The following TRAPPC3L variants were observed in gnomAD, a reference collection of about 807,000 sequenced individuals.
TRAPPC3L encodes the protein trafficking protein particle complex subunit 3-like protein.
A neutral mutation model predicts 23.7 loss-of-function variants in TRAPPC3L; 23 were observed. The ratio of observed to expected loss-of-function variants is 0.97; its 90% CI spans 0.70 to 1.37. The LOEUF (loss-of-function observed/expected upper bound fraction) is 1.37. Ranked by LOEUF, TRAPPC3L falls within the 40% of genes most tolerant of loss-of-function variation. TRAPPC3L has a pLI of 0.00. For synonymous variants in TRAPPC3L, 81 were observed against 77.9 expected, an observed-to-expected ratio of 1.04 and a Z score of -0.21; for missense variants, 212 against 216.8, an observed-to-expected ratio of 0.98 and a Z score of 0.14.
At chr6:116,515,682 G>C (rs1247502423) in intron 3 of TRAPPC3L, 3 of 1,613,816 alleles carry the variant, frequency 1.9e-6, no homozygotes, top group African/African-American at 1.3e-5. Flanking sequence ...TCTAAAGTTA[G>C]CTACCTTCAG....
chr6:116,500,235 A>G (rs1302059415), intron 4 of TRAPPC3L, among the ~76,000 whole-genome samples: 8 of 152,252 alleles, frequency 5.3e-5, no homozygotes, highest in Non-Finnish European at 1.2e-4. Context: ...CTGCATGTGT[A>G]TTAAGCCATG....
At chr6:116,510,203 C>T (rs1772086062) in intron 3 of TRAPPC3L, among the ~76,000 whole-genome samples, 1 of 152,046 alleles carries the variant, frequency 6.6e-6, no homozygotes, top group South Asian at 2.1e-4. Flanking sequence ...TTTGTGAAAA[C>T]AGAATGCTTG....
chr6:116,513,217 A>G (rs752856453), intron 3 of TRAPPC3L, among the ~76,000 whole-genome samples: 13 of 152,226 alleles, frequency 8.5e-5, no homozygotes, highest in Admixed American at 2.0e-4. Flanking sequence ...ACAACAAATC[A>G]AGGCAAAATC....
At chr6:116,505,268 A>T (rs1261256485) in intron 3 of TRAPPC3L, among the ~76,000 whole-genome samples, 1 of 152,228 alleles carries the variant, frequency 6.6e-6, no homozygotes, top group Non-Finnish European at 1.5e-5. Context: ...CCCATTCACA[A>T]ATCCTACAAA....
chr6:116,512,822 T>C (rs984933745), intron 3 of TRAPPC3L, among the ~76,000 whole-genome samples: 1 of 152,204 alleles, frequency 6.6e-6, no homozygotes, highest in Non-Finnish European at 1.5e-5. Flanking sequence ...AGTTTTTAAA[T>C]AGCCTTCTGT....
At chr6:116,529,521 C>G (rs777164712) in intron 3 of TRAPPC3L, among the ~76,000 whole-genome samples, 2 of 152,120 alleles carry the variant, frequency 1.3e-5, no homozygotes, top group African/African-American at 4.8e-5. Context: ...CTGTGCTGCT[C>G]GAGGTAAAGT....
chr6:116,520,541 G>C (rs1001719054), intron 3 of TRAPPC3L: 2 of 152,178 alleles, frequency 1.3e-5, no homozygotes, highest in Non-Finnish European at 2.9e-5. Context: ...AGTAGCTCTC[G>C]ATGTTGGCTG....
chr6:116,509,865 A>G (rs1356078753), intron 3 of TRAPPC3L, among the ~76,000 whole-genome samples: 1 of 152,222 alleles, frequency 6.6e-6, no homozygotes, highest in African/African-American at 2.4e-5. Context: ...ACAGCAAAAG[A>G]AATAAACATC....
chr6:116,511,541 T>G, intron 3 of TRAPPC3L: 2 of 675,102 alleles, frequency 3.0e-6, no homozygotes, highest in Non-Finnish European at 5.0e-6. Context: ...TTGAGAAATA[T>G]TCATTCCTAA....
intron 3 of TRAPPC3L, among the ~76,000 whole-genome samples, chr6:116,526,513 A>T (rs965923306): frequency 6.6e-6 from 1 of 152,184 alleles, no homozygotes; most frequent in African/African-American, 2.4e-5. Context: ...ACCACAATTT[A>T]TTGGGTCAAA....
In TRAPPC3L at chr6:116,515,803, C is replaced by T. The variant is rs776303268; in HGVS notation, c.241-15137G>A. The T allele has an allele frequency of 6.2e-6, 10 of 1,613,754 alleles. No homozygotes were observed. The African/African-American group carries it at 6.7e-5, about 11-fold the overall frequency. On this transcript the variant is annotated intron_variant, in intron 3 of 4. Coordinates refer to ENST00000368602, the MANE Select transcript of TRAPPC3L (RefSeq NM_001139444.3). Reference sequence around the variant, plus strand: ...GGAACCTGAAATGTTTTTTTGAAAACAAGAGGCCAGATCCTTTTCCCATGC... The same window carrying T: ...GGAACCTGAAATGTTTTTTTGAAAATAAGAGGCCAGATCCTTTTCCCATGC...
intron 3 of TRAPPC3L, among the ~76,000 whole-genome samples, chr6:116,503,858 G>A (rs1217893121): frequency 6.6e-6 from 1 of 152,184 alleles, no homozygotes; most frequent in African/African-American, 2.4e-5. Context: ...GAACCTCCGG[G>A]ACACATTTAA....
chr6:116,531,340 A>G (rs1010654696), intron 3 of TRAPPC3L, among the ~76,000 whole-genome samples: 5 of 152,204 alleles, frequency 3.3e-5, no homozygotes, highest in African/African-American at 1.2e-4. Flanking sequence ...CCATGAGGCA[A>G]CAAAAACTGT....
At chr6:116,543,163 A>G (rs1210716788) in intron 2 of TRAPPC3L, 140 bp downstream of exon 2, 2 of 575,350 alleles carry the variant, frequency 3.5e-6, no homozygotes, top group African/African-American at 3.9e-5. Context: ...GTAAGAAATT[A>G]TGTTCAGCTT....
rs1772127742 is a variant in TRAPPC3L, at chr6:116,511,880, T to G, written c.241-11214A>C. On this transcript the variant is annotated intron_variant, in intron 3 of 4. Coordinates refer to ENST00000368602, the MANE Select transcript of TRAPPC3L (RefSeq NM_001139444.3). ...TTTCCTCTTTGCTCCTGCCTGGGTG[T>G]TACTGATCCTGGGATTCTTTCTGAA... The G allele has an allele frequency of 2.5e-6, 4 of 1,613,960 alleles. No homozygotes were observed. Among genetic ancestry groups the G allele is most frequent in the Non-Finnish European group, 3.4e-6 (4 of 1,179,998 alleles).
intron 3 of TRAPPC3L, among the ~76,000 whole-genome samples, chr6:116,505,227 GACAA>G (rs1378680077): frequency 2.0e-5 from 3 of 152,034 alleles, no homozygotes; most frequent in East Asian, 1.9e-4. Flanking sequence ...ACCAATAACA[GACAA>G]ACAGAGAGCC....
intron 3 of TRAPPC3L, chr6:116,511,652 T>G (rs772230060): frequency 1.3e-6 from 2 of 1,573,434 alleles, no homozygotes; most frequent in Admixed American, 3.6e-5. Context: ...ACAGCTGCTC[T>G]GCCAATAACA....
chr6:116,527,519 C>CG (rs1554235347), intron 3 of TRAPPC3L, among the ~76,000 whole-genome samples: 2 of 112,372 alleles, frequency 1.8e-5, no homozygotes, highest in Non-Finnish European at 3.5e-5. Context: ...CGTCTCAAAA[C>CG]AAAAAAAAAA....
chr6:116,506,772 C>A (rs1415321265), intron 3 of TRAPPC3L, among the ~76,000 whole-genome samples: 1 of 152,120 alleles, frequency 6.6e-6, no homozygotes, highest in Non-Finnish European at 1.5e-5. Context: ...GGACAGAGAA[C>A]CAAACACTGT....
Sources: allele counts gnomAD v4.1 joint callset (sites outside exome capture counted in the v4.1 genomes callset), GRCh38; gene constraint gnomAD v4.1.1; transcripts MANE v1.5; gene names NCBI Gene and HGNC (gene_info 2026-07-23, HGNC 2026-07-21).